ACTN4: variants seen among roughly 807,000 people sequenced by gnomAD.
ACTN4 encodes actinin alpha 4, also known as alpha-actinin-4.
A neutral mutation model predicts 114.2 loss-of-function variants in ACTN4; 18 were observed. The observed-to-expected ratio is 0.16, with a 90% CI of 0.11 to 0.23. The LOEUF (loss-of-function observed/expected upper bound fraction) is 0.23. Ranked by LOEUF, ACTN4 falls within the 10% of genes least tolerant of loss-of-function variation. The pLI, the probability that ACTN4 is intolerant of heterozygous loss-of-function variation, is 1.00. For synonymous variants in ACTN4, 515 were observed against 506.3 expected (o/e 1.02, Z -0.23); for missense variants, 722 against 1,262.9 (o/e 0.57, Z 6.49).
chr19:38,714,326 C>A, intron 8 of ACTN4, 143 bp from the exon 9 acceptor site: 1 of 767,262 alleles, frequency 1.3e-6, no homozygotes, highest in Non-Finnish European at 2.2e-6. Context: ...GGACAGGGCA[C>A]CATCTCACTG....
intron 8 of ACTN4, among the ~76,000 whole-genome samples, chr19:38,712,123 G>T (rs1968675649): frequency 6.6e-6 from 1 of 152,230 alleles, no homozygotes; most frequent in Admixed American, 6.5e-5. Flanking sequence ...ACCCTCCAAG[G>T]CCTTCACATG....
Position 38,723,926 on chromosome 19 carries a change from C to G in ACTN4, c.1552-11C>G, listed in dbSNP as rs1011927842. 3 of 1,613,154 alleles carry G rather than the reference C, an allele frequency of 1.9e-6. No individual in the cohort carries two copies. Among genetic ancestry groups the G allele is most frequent in the Non-Finnish European group, 1.7e-6 (2 of 1,179,984 alleles). ...CCCTCTGTCCCTGCCCCCTTCCCTC[C>G]CACACACTAGAAAACAGAGAAGCAG... On this transcript the variant is annotated splice_polypyrimidine_tract_variant and intron_variant, in intron 13 of 20. Transcript: ENST00000252699.
chr19:38,722,801 C>G lies in ACTN4; in HGVS notation c.1443-813C>G, dbSNP rs561279494. Among the ~76,000 whole-genome samples, 5 of 152,310 alleles carry G rather than the reference C, an allele frequency of 3.3e-5. No homozygotes were observed. The South Asian group carries it at 8.3e-4, about 25-fold the overall frequency. On this transcript the variant is annotated intron_variant, in intron 12 of 20. Coordinates refer to ENST00000252699, the MANE Select transcript of ACTN4 (RefSeq NM_004924.6). ...CTTGAAATAAACCCTAGGCTTGCCC[C>G]CTTCTCAGGCCCTGGGCAAAGCTAT...
rs1968239295 is a variant in ACTN4, at chr19:38,700,594, C to T, written c.163-6C>T. 1 of 1,611,632 alleles carries T rather than the reference C, an allele frequency of 6.2e-7. No homozygotes were observed. The highest frequency in any genetic ancestry group is 1.3e-5 in the African/African-American group (1 of 74,878). ...CTGCGCACTGTCCTTTGTTCTGCTT[C>T]CCCAGACCTTCACGGCATGGTGCAA... On this transcript the variant is annotated splice_region_variant and splice_polypyrimidine_tract_variant and intron_variant, in intron 1 of 20. Coordinates refer to ENST00000252699, the MANE Select transcript of ACTN4 (RefSeq NM_004924.6).
chr19:38,713,707 A>AGACCCT (rs1968743716), intron 8 of ACTN4, among the ~76,000 whole-genome samples: 1 of 152,136 alleles, frequency 6.6e-6, no homozygotes, highest in African/African-American at 2.4e-5. Context: ...ATCACTCTGT[A>AGACCCT]GACCCTCCTC....
At chr19:38,697,576 TCAAACC>T (rs1968135613) in intron 1 of ACTN4, among the ~76,000 whole-genome samples, 1 of 152,144 alleles carries the variant, frequency 6.6e-6, no homozygotes, top group South Asian at 2.1e-4. Context: ...GGGCAGGTAT[TCAAACC>T]CAAACCCAGG....
At chr19:38,673,510 T>TC (rs1967216987) in intron 1 of ACTN4, among the ~76,000 whole-genome samples, 1 of 103,086 alleles carries the variant, frequency 9.7e-6, no homozygotes, top group South Asian at 2.7e-4. Context: ...TATATATGAA[T>TC]ATATATTTAT....
Position 38,701,014 on chromosome 19 carries a change from C to G in ACTN4, c.290C>G (p.Pro97Arg). The stretch of plus-strand genomic sequence containing the variant: ...GTGCACTTCTCAGGGGAGCGGTTAC[C>G]TAAGCCGGAGCGGGGGAAGATGAGA... Reference protein sequence around the residue: ...LLEVISGERLPKPERGKMRVH... With the variant: ...LLEVISGERLRKPERGKMRVH... Residue 97 changes from proline to arginine, a missense_variant, in exon 3 of 21, where the codon CCT (proline) becomes CGT (arginine). Physicochemically the swap from Pro to Arg is moderately radical, Grantham distance 103 (BLOSUM62 -2). Coordinates refer to ENST00000252699, the MANE Select transcript of ACTN4 (RefSeq NM_004924.6). The G allele has an allele frequency of 6.2e-7, 1 of 1,613,990 alleles. No individual in the cohort carries two copies. Among genetic ancestry groups the G allele is most frequent in the Non-Finnish European group, 8.5e-7 (1 of 1,180,022 alleles).
intron 1 of ACTN4, among the ~76,000 whole-genome samples, chr19:38,660,882 C>T (rs1024506797): frequency 1.5e-4 from 23 of 152,044 alleles, no homozygotes; most frequent in Admixed American, 4.6e-4. Context: ...AATGGCTTTG[C>T]GAGCGGGTGG....
intron 1 of ACTN4, among the ~76,000 whole-genome samples, chr19:38,685,356 G>A (rs573579123): frequency 1.3e-5 from 2 of 152,322 alleles, no homozygotes; most frequent in East Asian, 1.9e-4. Context: ...TTAGTTGCCT[G>A]CTGGCAAACT....
intron 6 of ACTN4, 43 bp from the exon 7 acceptor site, chr19:38,709,352 T>C: frequency 1.4e-6 from 2 of 1,471,936 alleles, no homozygotes; most frequent in Non-Finnish European, 1.9e-6. Context: ...TCCTGCACCC[T>C]GCCCTGACGG....
At chr19:38,651,080 T>A (rs1371690280) in intron 1 of ACTN4, among the ~76,000 whole-genome samples, 1 of 152,156 alleles carries the variant, frequency 6.6e-6, no homozygotes, top group African/African-American at 2.4e-5. Context: ...GAATGACAGA[T>A]TGCCCTTCTT....
At chr19:38,698,070 G>A (rs1188473319) in intron 1 of ACTN4, among the ~76,000 whole-genome samples, 1 of 152,170 alleles carries the variant, frequency 6.6e-6, no homozygotes, top group East Asian at 1.9e-4. Context: ...GGTTGCTACG[G>A]GAGAGGTGCT....
chr19:38,728,448 TC>T (rs1251285477), intron 19 of ACTN4: 4 of 730,950 alleles, frequency 5.5e-6, no homozygotes, highest in South Asian at 2.2e-5. Context: ...CTCCTCCTCC[TC>T]CCCCCCACCT....
intron 8 of ACTN4, among the ~76,000 whole-genome samples, chr19:38,711,740 C>G (rs1968660486): frequency 6.6e-6 from 1 of 152,284 alleles, no homozygotes; most frequent in Non-Finnish European, 1.5e-5. Flanking sequence ...CTGCCTGCCC[C>G]TGCCAAGCCC....
intron 1 of ACTN4, among the ~76,000 whole-genome samples, chr19:38,698,280 C>T (rs1237846392): frequency 6.6e-6 from 1 of 152,188 alleles, no homozygotes; most frequent in African/African-American, 2.4e-5. Flanking sequence ...TCTTCATCCC[C>T]ACGTTGCAGA....
intron 3 of ACTN4, among the ~76,000 whole-genome samples, chr19:38,701,461 C>G (rs1968274427): frequency 1.3e-5 from 2 of 152,214 alleles, no homozygotes. Context: ...GCTCAGCAGA[C>G]AGTGACAAAC....
chr19:38,669,028 C>T (rs966251420), intron 1 of ACTN4, among the ~76,000 whole-genome samples: 1 of 152,118 alleles, frequency 6.6e-6, no homozygotes, highest in African/African-American at 2.4e-5. Context: ...TCCCTGTCGC[C>T]CAGGCTGAAA....
rs772365385 is a variant in ACTN4 at position 38,724,604 on chromosome 19, C to T, written c.2010+39C>T. 7.4e-6 allele frequency: 12 copies of T among 1,612,060 alleles called. No individual in the cohort carries two copies. Among genetic ancestry groups the T allele is most frequent in the Non-Finnish European group, 9.3e-6 (11 of 1,179,828 alleles). On this transcript the variant is annotated intron_variant, in intron 16 of 20. Coordinates refer to ENST00000252699, the MANE Select transcript of ACTN4 (RefSeq NM_004924.6). This position sits in a 1 kb window ranked among gnomAD's most constrained non-coding sequence, Gnocchi z 7.0. ...GAGCCCCACAGAGCTGAGAAGGTTC[C>T]AAGAGAGCTCCCGTAGTGAGGGGGT...
Sources: gnomAD v4.1 joint callset for allele counts (sites outside exome capture counted in the v4.1 genomes callset) on GRCh38, gnomAD v4.1.1 for gene constraint, Gnocchi (gnomAD v3.1) non-coding constraint, MANE v1.5 for transcripts, NCBI Gene and HGNC (gene_info 2026-07-23, HGNC 2026-07-21) for gene names.